Variants in LAMA2 observed in about 807,000 individuals in gnomAD.
LAMA2 encodes the protein laminin subunit alpha-2.
In LAMA2, 269 loss-of-function variants were observed where a neutral mutation model predicts 364.8. The observed-to-expected ratio is 0.74, with a 90% confidence interval of 0.67 to 0.82. The LOEUF is 0.82. LAMA2 is among the 40% of genes least tolerant of loss of function. The probability of loss-of-function intolerance (pLI) is 0.00; values close to 1 mark genes in which losing one functional copy is unlikely to be tolerated. For synonymous variants in LAMA2, 1,379 were observed against 1,370.6 expected (o/e 1.01, Z -0.14); for missense variants, 3,807 against 3,873.2 (o/e 0.98, Z 0.45).
chr6:129,287,400 A>C (rs1389480249), intron 18 of LAMA2, among the ~76,000 whole-genome samples: 1 of 152,148 alleles, frequency 6.6e-6, no homozygotes, highest in Non-Finnish European at 1.5e-5. Flanking sequence ...CTTATTACTG[A>C]ATTTCCTTGC....
At chr6:129,082,167 A>G (rs1487543931) in intron 3 of LAMA2, among the ~76,000 whole-genome samples, 1 of 152,042 alleles carries the variant, frequency 6.6e-6, no homozygotes, top group East Asian at 1.9e-4. Context: ...TCGTAATTTT[A>G]TTACTTTTTC....
At chr6:129,356,669 A>T (rs1308644823) in intron 32 of LAMA2, among the ~76,000 whole-genome samples, 1 of 152,152 alleles carries the variant, frequency 6.6e-6, no homozygotes, top group Admixed American at 6.6e-5. Context: ...TATATTCAAC[A>T]TTAATGAATT....
At chr6:129,182,074 T>C (rs1178240711) in intron 10 of LAMA2, among the ~76,000 whole-genome samples, 1 of 151,882 alleles carries the variant, frequency 6.6e-6, no homozygotes, top group African/African-American at 2.4e-5. Context: ...AAAGCAGTAG[T>C]ATTTCTATAT....
Position 129,464,439 on chromosome 6 carries a change from C to A in LAMA2, c.7142C>A (p.Ala2381Asp), listed in dbSNP as rs1783433397. 4 of 1,611,648 alleles carry A rather than the reference C, an allele frequency of 2.5e-6. No individual in the cohort carries two copies. In the East Asian group the frequency reaches 6.7e-5, roughly 27 times the overall value. ...TCGAGTGCTCTTCTGATGTATCTTGCCACACGAGACCTGGTAAAGATCATA... is the reference window on the plus strand; with the variant it reads ...TCGAGTGCTCTTCTGATGTATCTTGACACACGAGACCTGGTAAAGATCATA... ...FSSSALLMYL[A>D]TRDLRDFMSV... Residue 2381 changes from alanine (A) to aspartate (D), a missense_variant, in exon 50 of 65, where the codon GCC (alanine) becomes GAC (aspartate). Around this residue, in one of 3 missense-constraint regions of LAMA2, gnomAD observed 3,333 missense variants for 3,345.7 expected, o/e 1.00. Transcript: ENST00000421865.
intron 17 of LAMA2, among the ~76,000 whole-genome samples, chr6:129,273,711 T>C (rs1788097259): frequency 6.6e-6 from 1 of 152,094 alleles, no homozygotes. Context: ...GCCAAAGGGA[T>C]TGGGTTTCCA....
chr6:128,994,328 G>C (rs1562903822), intron 1 of LAMA2, among the ~76,000 whole-genome samples: 1 of 152,178 alleles, frequency 6.6e-6, no homozygotes, highest in East Asian at 1.9e-4. Flanking sequence ...CTAGGATCAT[G>C]GCACCAGTCC....
chr6:129,404,358 T>G (rs6906956), intron 40 of LAMA2, among the ~76,000 whole-genome samples: 76,256 of 151,892 alleles, frequency 0.5, 19,645 homozygotes, highest in African/African-American at 0.62. Context: ...GCTATAAAAT[T>G]CACTTTTTAA....
At chr6:129,213,044 C>A (rs1241751734) in intron 12 of LAMA2, among the ~76,000 whole-genome samples, 9 of 152,264 alleles carry the variant, frequency 5.9e-5, no homozygotes, top group Admixed American at 5.9e-4. Context: ...TCAGAAGTGA[C>A]AAAAGTGGGG....
intron 10 of LAMA2, among the ~76,000 whole-genome samples, chr6:129,182,835 T>TA (rs1288215726): frequency 6.6e-6 from 1 of 151,806 alleles, no homozygotes; most frequent in Non-Finnish European, 1.5e-5. Context: ...AAATATAAAA[T>TA]ATAAATATTT....
intron 1 of LAMA2, among the ~76,000 whole-genome samples, chr6:128,942,438 A>G (rs1306654933): frequency 1.3e-5 from 2 of 152,214 alleles, no homozygotes; most frequent in Non-Finnish European, 2.9e-5. Flanking sequence ...TCAAAAGGAA[A>G]AGCAAAAAAA....
At chr6:128,952,723 A>G (rs1321785715) in intron 1 of LAMA2, among the ~76,000 whole-genome samples, 1 of 152,116 alleles carries the variant, frequency 6.6e-6, no homozygotes, top group Non-Finnish European at 1.5e-5. Flanking sequence ...TATTTTACTT[A>G]TTCCTAGAAT....
intron 4 of LAMA2, among the ~76,000 whole-genome samples, chr6:129,104,618 A>T (rs1034474049): frequency 3.3e-5 from 5 of 152,136 alleles, no homozygotes; most frequent in African/African-American, 1.2e-4. Context: ...AAACTTCAAT[A>T]CTGCCCTATG....
chr6:129,130,129 A>G (rs568469468), intron 4 of LAMA2, among the ~76,000 whole-genome samples: 1 of 152,304 alleles, frequency 6.6e-6, no homozygotes, highest in South Asian at 2.1e-4. Context: ...AAGGTGGATT[A>G]TCAGGAATAA....
Position 129,165,880 on chromosome 6 carries a change from A to T in LAMA2, c.1306+205A>T, listed in dbSNP as rs575976524. 7.2e-5 allele frequency among the ~76,000 whole-genome samples: 11 copies of T among 152,342 alleles called. No homozygotes were observed. In the South Asian group the frequency reaches 2.3e-3, roughly 32 times the overall value. Reference sequence around the variant, plus strand: ...TTTCATGTTTAATTATAATGTTTTCATAGCAAGAAGAGTTGAATTATGTAT... The same window carrying T: ...TTTCATGTTTAATTATAATGTTTTCTTAGCAAGAAGAGTTGAATTATGTAT... On this transcript the variant is annotated intron_variant, in intron 9 of 64. Coordinates refer to ENST00000421865, the MANE Select transcript of LAMA2 (RefSeq NM_000426.4).
intron 14 of LAMA2, among the ~76,000 whole-genome samples, chr6:129,256,770 A>G (rs1786713721): frequency 9.8e-6 from 1 of 102,528 alleles, no homozygotes; most frequent in Non-Finnish European, 2.3e-5. Flanking sequence ...TAGCATATAT[A>G]TATATATATA....
At chr6:128,927,056 G>A (rs1779146804) in intron 1 of LAMA2, among the ~76,000 whole-genome samples, 1 of 152,162 alleles carries the variant, frequency 6.6e-6, no homozygotes. Flanking sequence ...AGATCTGGTG[G>A]ATTCTAAAGG....
intron 15 of LAMA2, among the ~76,000 whole-genome samples, chr6:129,263,810 G>A (rs2114332106): frequency 6.6e-6 from 1 of 152,288 alleles, no homozygotes; most frequent in Admixed American, 6.5e-5. Flanking sequence ...TGCTGTCATA[G>A]CTTGCTGCAG....
intron 60 of LAMA2, among the ~76,000 whole-genome samples, chr6:129,503,824 G>T (rs942711945): frequency 8.5e-5 from 13 of 152,126 alleles, no homozygotes; most frequent in African/African-American, 2.7e-4. Context: ...CGTGTTTAAA[G>T]GGCTCTAAGG....
chr6:129,291,208 G>T lies in LAMA2; in HGVS notation c.2750-406G>T, dbSNP rs185786989. 3.2e-3 allele frequency among the ~76,000 whole-genome samples: 492 copies of T among 152,244 alleles called. 1 individual carries two copies. Among genetic ancestry groups the T allele is most frequent in the African/African-American group, 0.011 (472 of 41,554 alleles). ...AGTGTTACCCTGATGTATCTGTAAA[G>T]AACTAAAACAGCGTTACACCTTGAG... On this transcript the variant is annotated intron_variant, in intron 19 of 64. Transcript: ENST00000421865.
Sources: gnomAD v4.1 joint callset for allele counts (sites outside exome capture counted in the v4.1 genomes callset) on GRCh38, gnomAD v4.1.1 for gene constraint, gnomAD v4.1.1 regional missense constraint, MANE v1.5 for transcripts, NCBI Gene and HGNC (gene_info 2026-07-23, HGNC 2026-07-21) for gene names.